The following CROCC variants were observed in gnomAD, a reference collection of about 807,000 sequenced individuals.
The protein encoded by CROCC is rootletin.
CROCC carries 180 observed loss-of-function variants against 245.2 expected under a neutral mutation model. That is an observed-to-expected ratio of 0.73 (90% confidence interval 0.65 to 0.83). CROCC has a LOEUF of 0.83. Among genes scored for constraint, CROCC ranks in the 40% least tolerant of loss-of-function variants. The pLI is 0.00. For missense variants in CROCC, 2,688 were observed against 2,779.4 expected (o/e 0.97, Z 0.74); for synonymous variants, 1,205 against 1,241.6 (o/e 0.97, Z 0.62).
At chr1:16,914,233 C>A (rs944009976) in intron 1 of CROCC, among the ~76,000 whole-genome samples, 7 of 152,082 alleles carry the variant, frequency 4.6e-5, no homozygotes, top group African/African-American at 1.7e-4. Flanking sequence ...AGCCACGTAC[C>A]GGGGCTGGGG....
chr1:16,965,717 T>C lies in CROCC; in HGVS notation c.4406-6T>C, dbSNP rs1485891485. On this transcript the variant is annotated splice_polypyrimidine_tract_variant and splice_region_variant and intron_variant, in intron 27 of 36. Coordinates refer to ENST00000375541, the MANE Select transcript of CROCC (RefSeq NM_014675.5). ...CATCACTGAGCAAGTCTTCTTTCTC[T>C]TCTAGGAAGCGGGGAAGGGCTCAAC... The C allele has an allele frequency of 6.3e-7, 1 of 1,598,902 alleles. No individual in the cohort carries two copies. Among genetic ancestry groups the C allele is most frequent in the Non-Finnish European group, 8.6e-7 (1 of 1,167,304 alleles).
chr1:16,955,002 C>T, intron 23 of CROCC, 125 bp downstream of exon 23: 1 of 1,251,968 alleles, frequency 8.0e-7, no homozygotes. Flanking sequence ...CAATGAATAG[C>T]AACTTAGAAA....
At chr1:16,939,257 T>C (rs2075867017) in intron 12 of CROCC, 115 bp downstream of exon 12, 1 of 954,186 alleles carries the variant, frequency 1.0e-6, no homozygotes, top group Admixed American at 4.1e-5. Flanking sequence ...GAGGGAGGAG[T>C]CTGAGCGCCC....
Position 16,954,873 on chromosome 1 carries a change from G to C in CROCC, c.3461G>C (p.Arg1154Pro). 1 of 1,527,286 alleles carries C rather than the reference G, an allele frequency of 6.5e-7. No individual in the cohort carries two copies. The highest frequency in any genetic ancestry group is 8.9e-7 in the Non-Finnish European group (1 of 1,129,332). 94.6% of individuals were successfully genotyped at this position (1,527,286 alleles called of 1,614,324 possible). A position where few individuals can be genotyped will look rare whatever the true frequency, so the allele number is the denominator to read the frequency against. ...GGCAAGCAGCGGGACTCCTGTCTTC[G>C]CGAGGTGAGCAGCCGCCCCCCTCTT... ...DLGKQRDSCLREAEELRTQLR... is the reference protein window; with the variant it reads ...DLGKQRDSCLPEAEELRTQLR... The change falls in exon 23 of 37, where the codon CGC (arginine) becomes CCC (proline). Residue 1154 changes from arginine (R) to proline (P), a missense_variant. Transcript: ENST00000375541. This position sits in a 1 kb window ranked among gnomAD's most constrained non-coding sequence, Gnocchi z 4.4.
rs772627273 is a variant in CROCC at position 16,970,253 on chromosome 1, G to A, written c.5452G>A (p.Val1818Met). The change falls in exon 34 of 37, where the codon GTG (valine) becomes ATG (methionine). Residue 1818 changes from valine (V) to methionine (M), a missense_variant and splice_region_variant. Val to Met is a conservative substitution (Grantham distance 21). Transcript: ENST00000375541. ...AEGQLQQLRE[V>M]LRQRQEGEAA... is the part of the protein sequence containing the mutation. Reference sequence around the variant, plus strand: ...GGGGCCTGCCTGGCTTCTGTTGCAGGTGCTGCGGCAGCGGCAGGAGGGTGA... The same window carrying A: ...GGGGCCTGCCTGGCTTCTGTTGCAGATGCTGCGGCAGCGGCAGGAGGGTGA... The A allele has an allele frequency of 1.3e-6, 2 of 1,550,982 alleles. No homozygotes were observed. The highest frequency in any genetic ancestry group is 2.4e-5 in the East Asian group (1 of 41,786).
rs546209500 is a variant in CROCC at position 16,923,589 on chromosome 1, C to T, written c.197-736C>T. On this transcript the variant is annotated intron_variant, in intron 2 of 36. Transcript: ENST00000375541. ...CTGACCTATGCTATGCTCTCCTGAGCCCTAGCCTTTAAAGTTCCATGAAGC... is the reference window on the plus strand; with the variant it reads ...CTGACCTATGCTATGCTCTCCTGAGTCCTAGCCTTTAAAGTTCCATGAAGC... Among the ~76,000 whole-genome samples, 4 of 152,358 alleles carry T rather than the reference C, an allele frequency of 2.6e-5. No homozygotes were observed. In the East Asian group the frequency reaches 7.7e-4, roughly 29 times the overall value.
chr1:16,952,293 G>A (rs1016836903), intron 20 of CROCC, among the ~76,000 whole-genome samples: 6 of 151,750 alleles, frequency 4.0e-5, no homozygotes, highest in African/African-American at 1.4e-4. Context: ...GACCATCCTG[G>A]CTAACACAGT....
intron 5 of CROCC, 24 bp downstream of exon 5, chr1:16,930,231 G>A (rs1396152373): frequency 6.3e-6 from 10 of 1,585,770 alleles, no homozygotes; most frequent in Non-Finnish European, 8.6e-6. Context: ...TGGGGCAGGG[G>A]CAGGCCCTGC....
At chr1:16,924,903 G>A (rs1236835847) in intron 3 of CROCC, among the ~76,000 whole-genome samples, 4 of 152,258 alleles carry the variant, frequency 2.6e-5, no homozygotes, top group Admixed American at 2.0e-4. Flanking sequence ...GTGGGCACCC[G>A]CGGTGTTCTG....
At chr1:16,956,495 A>T (rs922780327) in intron 25 of CROCC, among the ~76,000 whole-genome samples, 1 of 152,170 alleles carries the variant, frequency 6.6e-6, no homozygotes, top group Non-Finnish European at 1.5e-5. Flanking sequence ...TTTTTTGTAA[A>T]GAGCCCAAAT....
intron 17 of CROCC, among the ~76,000 whole-genome samples, chr1:16,947,975 A>T (rs2076086787): frequency 6.6e-6 from 1 of 152,260 alleles, no homozygotes; most frequent in South Asian, 2.1e-4. Flanking sequence ...AGTAGCAGGG[A>T]CTACAGGCGT....
rs138942505 is a variant in CROCC at position 16,967,669 on chromosome 1, T to C, written c.4861-534T>C. On this transcript the variant is annotated intron_variant, in intron 30 of 36. Transcript: ENST00000375541. ...ATAGTACCAGGGATGGGAGGACCCC[T>C]AGTCTGCCTTCCTGTCCCATCCCCA... is the stretch of plus-strand genomic sequence containing the variant. 3.4e-3 allele frequency among the ~76,000 whole-genome samples: 513 copies of C among 152,180 alleles called. 6 individuals are homozygous for C. Among genetic ancestry groups the C allele is most frequent in the African/African-American group, 0.011 (459 of 41,518 alleles).
upstream of CROCC, among the ~76,000 whole-genome samples, chr1:16,918,885 C>T (rs538373184): frequency 3.6e-3 from 555 of 152,326 alleles, 2 homozygotes; most frequent in Admixed American, 8.4e-3. Context: ...TACAGGCACC[C>T]ACCACCATGC....
intron 3 of CROCC, among the ~76,000 whole-genome samples, chr1:16,929,094 T>C (rs1391457920): frequency 6.6e-6 from 1 of 152,262 alleles, no homozygotes; most frequent in East Asian, 1.9e-4. Flanking sequence ...CCAAAAGTGC[T>C]GGGATCACAG....
chr1:16,942,008 AT>A (rs897813716), intron 13 of CROCC, among the ~76,000 whole-genome samples: 60 of 151,326 alleles, frequency 4.0e-4, no homozygotes, highest in Middle Eastern at 3.4e-3. Context: ...AGCCTTGAAG[AT>A]TTTTTTTTTC....
At chr1:16,971,019 C>CA in intron 35 of CROCC, 1 of 460,462 alleles carries the variant, frequency 2.2e-6, no homozygotes, top group Non-Finnish European at 3.8e-6. Context: ...TGTGAGAATC[C>CA]ATGTGACGAT....
At chr1:16,927,965 G>A (rs1365703495) in intron 3 of CROCC, among the ~76,000 whole-genome samples, 3 of 152,290 alleles carry the variant, frequency 2.0e-5, no homozygotes, top group African/African-American at 7.2e-5. Flanking sequence ...GGGTAGAGAT[G>A]TCCTTGCTTT....
chr1:16,916,033 G>T (rs2075299440), intron 1 of CROCC, among the ~76,000 whole-genome samples: 2 of 152,232 alleles, frequency 1.3e-5, no homozygotes, highest in South Asian at 4.1e-4. Context: ...AAAATTAGCT[G>T]GGCGTGGTGG....
At position 16,966,318 on chromosome 1, in the gene CROCC, TG is replaced by T; in HGVS notation, c.4697-87del. ...GGGTGCAGACAGTCTGGCCCTGCAC[TG>T]GGTGGAGTGCAGGCTGGACATTTTG... On this transcript the variant is annotated intron_variant, in intron 29 of 36. Transcript: ENST00000375541. The surrounding 1 kb of genome is among the most constrained non-coding windows in gnomAD (Gnocchi z 4.8). 1 of 1,449,270 alleles carries T rather than the reference TG, an allele frequency of 6.9e-7. No homozygotes were observed. Among genetic ancestry groups the T allele is most frequent in the South Asian group, 1.4e-5 (1 of 71,564 alleles). 89.8% of individuals were successfully genotyped at this position (1,449,270 alleles called of 1,614,324 possible).
Sources: gnomAD v4.1 joint callset for allele counts (sites outside exome capture counted in the v4.1 genomes callset) on GRCh38, gnomAD v4.1.1 for gene constraint, Gnocchi (gnomAD v3.1) non-coding constraint, MANE v1.5 for transcripts, NCBI Gene and HGNC (gene_info 2026-07-23, HGNC 2026-07-21) for gene names.